Variants in CAST observed in about 807,000 individuals in gnomAD.
CAST encodes calpastatin.
In CAST, 76 loss-of-function variants were observed where a neutral mutation model predicts 119.6. The ratio of observed to expected loss-of-function variants is 0.64; its 90% confidence interval spans 0.53 to 0.77. The LOEUF (loss-of-function observed/expected upper bound fraction) is 0.77. Among genes scored for constraint, CAST ranks in the 30% least tolerant of loss-of-function variants. The pLI is 0.00. For missense variants in CAST, 953 were observed against 946.5 expected (o/e 1.01, Z -0.09); for synonymous variants, 319 against 331.6 (o/e 0.96, Z 0.41).
chr5:96,025,819 G>A, the CAST span, among the ~76,000 whole-genome samples: 1 of 152,336 alleles, frequency 6.6e-6, no homozygotes, highest in South Asian at 2.1e-4. Flanking sequence ...AGTGTCCCAG[G>A]CAGTGGGAAC....
chr5:96,189,573 C>T, the CAST span, among the ~76,000 whole-genome samples: 120 of 152,166 alleles, frequency 7.9e-4, no homozygotes, highest in Admixed American at 1.8e-3. Context: ...AAGTAATTTA[C>T]TTTCCTCTAT....
At chr5:96,434,634 GT>G in the CAST span, among the ~76,000 whole-genome samples, 2 of 149,130 alleles carry the variant, frequency 1.3e-5, no homozygotes, top group African/African-American at 5.0e-5. Context: ...TGTTGTTGTT[GT>G]TTTTTAAAGC....
upstream of CAST, among the ~76,000 whole-genome samples, chr5:96,522,928 G>A (rs1017594535): frequency 6.6e-6 from 1 of 152,242 alleles, no homozygotes; most frequent in Admixed American, 6.5e-5. Context: ...ACTGGGGCGA[G>A]TGGGGTGAGT....
intron 2 of CAST, among the ~76,000 whole-genome samples, chr5:96,690,108 C>T (rs770222410): frequency 4.6e-5 from 7 of 152,086 alleles, no homozygotes; most frequent in East Asian, 1.9e-4. Context: ...AGATGACACA[C>T]GGAAACTGAG....
At chr5:96,256,370 AATAT>A in the CAST span, among the ~76,000 whole-genome samples, 1,112 of 147,414 alleles carry the variant, frequency 7.5e-3, 12 homozygotes, top group African/African-American at 0.026. Flanking sequence ...AATATACAGT[AATAT>A]ATATATATAC....
chr5:96,543,013 C>T (rs947503098), intron 1 of CAST, among the ~76,000 whole-genome samples: 4 of 152,128 alleles, frequency 2.6e-5, no homozygotes, highest in African/African-American at 9.7e-5. Flanking sequence ...TAACATTTGA[C>T]CCAGCCATCC....
chr5:96,363,839 G>A, the CAST span, among the ~76,000 whole-genome samples: 2 of 152,028 alleles, frequency 1.3e-5, no homozygotes, highest in Admixed American at 1.3e-4. Context: ...AATTAGGCCT[G>A]ATTGCCCTGG....
the CAST span, among the ~76,000 whole-genome samples, chr5:96,090,012 C>T: frequency 6.6e-6 from 1 of 152,092 alleles, no homozygotes; most frequent in Non-Finnish European, 1.5e-5. Context: ...TGGTGGTATC[C>T]CAGTGTGCTA....
the CAST span, among the ~76,000 whole-genome samples, chr5:96,245,635 AAAC>A: frequency 6.6e-6 from 1 of 152,174 alleles, no homozygotes; most frequent in Non-Finnish European, 1.5e-5. Context: ...AAAAAAAAAA[AAAC>A]AAATAGTGAG....
the CAST span, among the ~76,000 whole-genome samples, chr5:96,068,343 G>A: frequency 2.0e-4 from 31 of 152,056 alleles, no homozygotes; most frequent in Middle Eastern, 6.8e-3. Flanking sequence ...CTAGGAAAAC[G>A]GAATAAGAAG....
At chr5:96,483,811 C>T in the CAST span, among the ~76,000 whole-genome samples, 1 of 152,044 alleles carries the variant, frequency 6.6e-6, no homozygotes, top group Non-Finnish European at 1.5e-5. Context: ...TGTGACAACC[C>T]TTCAAAAATA....
the CAST span, among the ~76,000 whole-genome samples, chr5:96,142,961 A>G: frequency 6.6e-6 from 1 of 152,204 alleles, no homozygotes; most frequent in Non-Finnish European, 1.5e-5. Flanking sequence ...GATTCAGTAG[A>G]TTAGAAACAG....
intron 2 of CAST, among the ~76,000 whole-genome samples, chr5:96,686,661 G>A (rs1010981315): frequency 3.9e-5 from 6 of 152,154 alleles, no homozygotes; most frequent in Admixed American, 3.3e-4. Context: ...CTGAGTATGT[G>A]GAGATTCTGC....
Position 96,771,744 on chromosome 5 carries a change from T to G in CAST, c.*23+42T>G. 7.2e-6 allele frequency: 9 copies of G among 1,250,886 alleles called. No individual in the cohort carries two copies. In the South Asian group the frequency reaches 1.1e-4, roughly 15 times the overall value. The allele number at this position is 1,250,886 out of a possible 1,614,324, so 77.5% of individuals were successfully genotyped here. A position where few individuals can be genotyped will look rare whatever the true frequency, so the allele number is the denominator to read the frequency against. ...TTTGTAAATGAAGACAACTGTATCTTCTGCCAATTTATGTGTTATAGATGA... is the reference window on the plus strand; with the variant it reads ...TTTGTAAATGAAGACAACTGTATCTGCTGCCAATTTATGTGTTATAGATGA... On this transcript the variant is annotated intron_variant, in intron 31 of 31. Transcript: ENST00000675179.
the CAST span, among the ~76,000 whole-genome samples, chr5:96,327,322 CAA>C: frequency 6.6e-6 from 1 of 152,110 alleles, no homozygotes; most frequent in Admixed American, 6.5e-5. Flanking sequence ...AGTAGCCACA[CAA>C]GAGAAAAAAG....
chr5:95,967,792 C>T, the CAST span, among the ~76,000 whole-genome samples: 2 of 152,134 alleles, frequency 1.3e-5, no homozygotes, highest in Admixed American at 1.3e-4. Context: ...ATTACCCAGT[C>T]TTGTTTATGT....
intron 1 of CAST, among the ~76,000 whole-genome samples, chr5:96,599,966 CAAAAA>C (rs74978713): frequency 2.1e-5 from 1 of 47,216 alleles, no homozygotes; most frequent in Non-Finnish European, 5.0e-5. Flanking sequence ...CTTCATTAGG[CAAAAA>C]AAAAAAAAAA....
At chr5:96,619,942 A>C (rs997034000) in intron 1 of CAST, among the ~76,000 whole-genome samples, 2 of 152,246 alleles carry the variant, frequency 1.3e-5, no homozygotes, top group African/African-American at 4.8e-5. Flanking sequence ...CAAGAGGTTA[A>C]ATCTCTCCAA....
chr5:96,665,654 A>G (rs1749219076), intron 1 of CAST, among the ~76,000 whole-genome samples: 1 of 152,140 alleles, frequency 6.6e-6, no homozygotes. Context: ...TTTCCAATAT[A>G]GCTTCAGGGA....
Sources: gnomAD v4.1 joint callset for allele counts (sites outside exome capture counted in the v4.1 genomes callset) on GRCh38, gnomAD v4.1.1 for gene constraint, MANE v1.5 for transcripts, NCBI Gene and HGNC (gene_info 2026-07-23, HGNC 2026-07-21) for gene names.